IGF2BP1: variants seen among roughly 807,000 people sequenced by gnomAD.
The protein encoded by IGF2BP1 is insulin like growth factor 2 mRNA binding protein 1, also known as insulin-like growth factor 2 mRNA-binding protein 1.
A neutral mutation model predicts 74.9 loss-of-function variants in IGF2BP1; 11 were observed. That is an observed-to-expected ratio of 0.15 (90% CI 0.09 to 0.24). The LOEUF (loss-of-function observed/expected upper bound fraction) is 0.24, where lower values mean the gene tolerates loss of function less well. Among genes scored for constraint, IGF2BP1 ranks in the 10% least tolerant of loss-of-function variants. The probability of loss-of-function intolerance (pLI) is 1.00; values close to 1 mark genes in which losing one functional copy is unlikely to be tolerated. For missense variants in IGF2BP1, 440 were observed against 757.4 expected, an observed-to-expected ratio of 0.58 and a Z score of 4.92; for synonymous variants, 287 against 281.8, an observed-to-expected ratio of 1.02 and a Z score of -0.18.
chr17:49,024,862 G>A (rs1344881737), intron 2 of IGF2BP1, among the ~76,000 whole-genome samples: 1 of 152,230 alleles, frequency 6.6e-6, no homozygotes, highest in Admixed American at 6.5e-5. Context: ...AGTATGTGAA[G>A]TAGGTATCAA....
intron 2 of IGF2BP1, among the ~76,000 whole-genome samples, chr17:49,024,599 C>G (rs2041830103): frequency 6.6e-6 from 1 of 152,120 alleles, no homozygotes; most frequent in African/African-American, 2.4e-5. Flanking sequence ...CCCTACCACC[C>G]TGTGGAAAGG....
intron 2 of IGF2BP1, among the ~76,000 whole-genome samples, chr17:49,005,167 CT>C: frequency 6.6e-6 from 1 of 152,214 alleles, no homozygotes; most frequent in Non-Finnish European, 1.5e-5. Context: ...CTGGAACAAA[CT>C]TTTGCTCTAA....
rs59508101 is a variant in IGF2BP1, at chr17:49,055,836, G to GTTTTTT, written c.*6409_*6414dup. On this transcript the variant is annotated 3_prime_UTR_variant, in exon 15 of 15. Transcript: ENST00000290341. ...AGCTGGAGGCCTACTGCTTGGGACA[G>GTTTTTT]TTTTTTTTTTTTTTTTTTTTTTAAA... is the stretch of plus-strand genomic sequence containing the variant. Among the ~76,000 whole-genome samples, 9 of 125,888 alleles carry GTTTTTT rather than the reference G, an allele frequency of 7.1e-5. No homozygotes were observed. Among genetic ancestry groups the GTTTTTT allele is most frequent in the Admixed American group, 6.7e-4 (8 of 11,986 alleles). 82.6% of individuals were successfully genotyped at this position (125,888 alleles called of 152,430 possible). A position where few individuals can be genotyped will look rare whatever the true frequency, so the allele number is the denominator to read the frequency against.
At position 49,030,637 on chromosome 17, in the gene IGF2BP1, C is replaced by CT. The variant is rs571010398; in HGVS notation, c.338-1267dup. Among the ~76,000 whole-genome samples, 302 of 131,164 alleles carry CT rather than the reference C, an allele frequency of 2.3e-3. 2 individuals are homozygous for CT. The highest frequency in any genetic ancestry group is 4.0e-3 in the Middle Eastern group (1 of 250). 86.0% of individuals were successfully genotyped at this position (131,164 alleles called of 152,430 possible). On this transcript the variant is annotated intron_variant, in intron 4 of 14. Coordinates refer to ENST00000290341, the MANE Select transcript of IGF2BP1 (RefSeq NM_006546.4). Reference sequence around the variant, plus strand: ...AACTAGTTGAACTTTTTTTTTTTTTCTTTTTTGAGACAGAGTCTCGCTCTG... The same window carrying CT: ...AACTAGTTGAACTTTTTTTTTTTTTCTTTTTTTGAGACAGAGTCTCGCTCTG...
chr17:49,029,116 A>G (rs915757447), intron 4 of IGF2BP1, among the ~76,000 whole-genome samples: 1 of 152,144 alleles, frequency 6.6e-6, no homozygotes, highest in Admixed American at 6.6e-5. Context: ...CATCTGATTT[A>G]TATTTTTCCA....
At position 49,053,481 on chromosome 17, in the gene IGF2BP1, T is replaced by A. The variant is rs2042190445; in HGVS notation, c.*4037T>A. ...GGTAGGGAGCCGAGAAATTGGTCTG[T>A]CGGCTCCTGGTTGCACTTTGGGGAA... On this transcript the variant is annotated 3_prime_UTR_variant, in exon 15 of 15. Transcript: ENST00000290341. The A allele has an allele frequency of 6.5e-6, 1 of 152,974 alleles. No individual in the cohort carries two copies. Among genetic ancestry groups the A allele is most frequent in the Non-Finnish European group, 1.5e-5 (1 of 68,320 alleles). The allele number at this position is 152,974 out of a possible 1,614,324, so 9.5% of individuals were successfully genotyped here. A position where few individuals can be genotyped will look rare whatever the true frequency, so the allele number is the denominator to read the frequency against.
intron 7 of IGF2BP1, among the ~76,000 whole-genome samples, chr17:49,040,542 C>G: frequency 6.6e-6 from 1 of 152,188 alleles, no homozygotes; most frequent in Non-Finnish European, 1.5e-5. Context: ...CGTATGACCT[C>G]CTAGAAATTC....
chr17:49,021,119 G>T (rs923079034), intron 2 of IGF2BP1, among the ~76,000 whole-genome samples: 4 of 151,748 alleles, frequency 2.6e-5, no homozygotes, highest in African/African-American at 9.7e-5. Flanking sequence ...CTCCAGCCTG[G>T]ATGACAGAGC....
chr17:49,037,790 C>T (rs1001707766), intron 5 of IGF2BP1, among the ~76,000 whole-genome samples: 2 of 152,144 alleles, frequency 1.3e-5, no homozygotes, highest in Admixed American at 6.6e-5. Context: ...CTCTTCAGGT[C>T]TGTGGTAGGC....
At chr17:49,001,470 GTT>G (rs905527128) in intron 2 of IGF2BP1, among the ~76,000 whole-genome samples, 1 of 151,944 alleles carries the variant, frequency 6.6e-6, no homozygotes, top group Admixed American at 6.6e-5. Context: ...GTTTTGTTTT[GTT>G]TTTTAAGAGG....
intron 2 of IGF2BP1, among the ~76,000 whole-genome samples, chr17:49,011,876 G>T (rs1176124208): frequency 6.7e-6 from 1 of 149,638 alleles, no homozygotes; most frequent in Non-Finnish European, 1.5e-5. Context: ...GAGATTTTCA[G>T]ATTATCTTGA....
chr17:49,049,069 G>T (rs2042137681), intron 14 of IGF2BP1, among the ~76,000 whole-genome samples: 1 of 152,096 alleles, frequency 6.6e-6, no homozygotes, highest in Non-Finnish European at 1.5e-5. Flanking sequence ...AAATTCTGAT[G>T]AATGGATTGA....
chr17:49,055,127 T>C lies in IGF2BP1; in HGVS notation c.*5683T>C, dbSNP rs1198001807. On this transcript the variant is annotated 3_prime_UTR_variant, in exon 15 of 15. Coordinates refer to ENST00000290341, the MANE Select transcript of IGF2BP1 (RefSeq NM_006546.4). ...AAAAAATATTACCTTGAGAATACTT[T>C]CCAAAAAATAAAATTAAAAAAAAAA... is the stretch of plus-strand genomic sequence containing the variant. 6.9e-6 allele frequency: 1 copy of C among 145,038 alleles called. No individual in the cohort carries two copies. Among genetic ancestry groups the C allele is most frequent in the African/African-American group, 2.6e-5 (1 of 38,074 alleles). 9.0% of individuals were successfully genotyped at this position (145,038 alleles called of 1,614,324 possible).
At chr17:49,015,927 C>T (rs2041695447) in intron 2 of IGF2BP1, among the ~76,000 whole-genome samples, 1 of 152,196 alleles carries the variant, frequency 6.6e-6, no homozygotes, top group Admixed American at 6.5e-5. Context: ...AGCAAGATGA[C>T]ATTTTGCATG....
rs935522222 is a variant in IGF2BP1, at chr17:49,041,514, C to G, written c.941+14C>G. 3.7e-6 allele frequency: 6 copies of G among 1,614,092 alleles called. No individual in the cohort carries two copies. Among genetic ancestry groups the G allele is most frequent in the African/African-American group, 1.3e-5 (1 of 75,058 alleles). On this transcript the variant is annotated intron_variant, in intron 8 of 14. Coordinates refer to ENST00000290341, the MANE Select transcript of IGF2BP1 (RefSeq NM_006546.4). ...CACCATCTCCTCGTAAGGCTCTCTT[C>G]TATTTCCCTGTTTATGAGTGGGGGA...
intron 2 of IGF2BP1, among the ~76,000 whole-genome samples, chr17:49,018,672 G>T (rs867275388): frequency 6.6e-6 from 1 of 151,002 alleles, no homozygotes; most frequent in Non-Finnish European, 1.5e-5. Flanking sequence ...AAAAAAAAAA[G>T]TTAAGAACCA....
intron 5 of IGF2BP1, among the ~76,000 whole-genome samples, chr17:49,035,856 GA>G (rs1376717953): frequency 2.0e-5 from 3 of 152,192 alleles, no homozygotes; most frequent in African/African-American, 7.2e-5. Flanking sequence ...CAGGCGATAG[GA>G]AAATGGGCAA....
intron 2 of IGF2BP1, among the ~76,000 whole-genome samples, chr17:49,000,938 G>C (rs1396848998): frequency 7.0e-6 from 1 of 142,388 alleles, no homozygotes; most frequent in Middle Eastern, 3.5e-3. Flanking sequence ...GAGAAGACTG[G>C]GTAAAAAAAA....
intron 14 of IGF2BP1, 79 bp from the exon 15 acceptor site, chr17:49,049,273 G>A: frequency 8.6e-7 from 1 of 1,157,138 alleles, no homozygotes; most frequent in Non-Finnish European, 1.3e-6. Context: ...GCCTGTGTCT[G>A]GACCTGATGA....
Sources: gnomAD v4.1 joint callset for allele counts (sites outside exome capture counted in the v4.1 genomes callset) on GRCh38, gnomAD v4.1.1 for gene constraint, MANE v1.5 for transcripts, NCBI Gene and HGNC (gene_info 2026-07-23, HGNC 2026-07-21) for gene names.